The following PLAAT1 variants were observed in gnomAD, a reference collection of about 807,000 sequenced individuals.
PLAAT1 encodes H-REV107 protein-related protein.
PLAAT1 carries 13 observed loss-of-function variants against 16.4 expected under a neutral mutation model. That is an observed-to-expected ratio of 0.79 (90% confidence interval 0.52 to 1.26). The LOEUF (loss-of-function observed/expected upper bound fraction) is 1.26, where lower values mean the gene tolerates loss of function less well. PLAAT1 is among the 50% of genes most tolerant of loss of function. The pLI, the probability that PLAAT1 is intolerant of heterozygous loss-of-function variation, is 0.00. For synonymous variants in PLAAT1, 73 were observed against 78.4 expected, an observed-to-expected ratio of 0.93 and a Z score of 0.36; for missense variants, 218 against 207.8, an observed-to-expected ratio of 1.05 and a Z score of -0.30.
Position 193,270,600 on chromosome 3 carries a change from A to G in PLAAT1, c.406-4A>G. 2.5e-6 allele frequency: 4 copies of G among 1,611,600 alleles called. No individual in the cohort carries two copies. The highest frequency in any genetic ancestry group is 3.4e-6 in the Non-Finnish European group (4 of 1,178,634). ...TTTTTTGTTTACTTCTTGTTTCCTTATAGGCCAACCGAGCGATAAGTACCG... is the reference window on the plus strand; with the variant it reads ...TTTTTTGTTTACTTCTTGTTTCCTTGTAGGCCAACCGAGCGATAAGTACCG... On this transcript the variant is annotated splice_region_variant and splice_polypyrimidine_tract_variant and intron_variant, in intron 3 of 3. Transcript: ENST00000264735.
chr3:193,276,818 T>G, intron 2 of PLAAT1: 2 of 1,613,448 alleles, frequency 1.2e-6, no homozygotes, highest in Non-Finnish European at 8.5e-7. Context: ...CACGATGTTA[T>G]GGTTGGGATC....
Position 193,245,786 on chromosome 3 carries a change from G to A in PLAAT1, c.-1+4253G>A, listed in dbSNP as rs116406447. On this transcript the variant is annotated intron_variant, in intron 1 of 3. Transcript: ENST00000264735. ...AATTTGCATTTCCCTGATGATTAGA[G>A]ATGTTGAGTATTTTTTCCATCTACC... is the stretch of plus-strand genomic sequence containing the variant. Among the ~76,000 whole-genome samples, 156 of 152,284 alleles carry A rather than the reference G, an allele frequency of 1.0e-3. 1 individual carries two copies. Among genetic ancestry groups the A allele is most frequent in the African/African-American group, 3.6e-3 (149 of 41,560 alleles).
At chr3:193,272,227 A>T (rs1473799747), downstream of PLAAT1, among the ~76,000 whole-genome samples, 1 of 152,168 alleles carries the variant, frequency 6.6e-6, no homozygotes, top group Non-Finnish European at 1.5e-5. Flanking sequence ...GTGGATCATG[A>T]GGTCAGGAGA....
intron 3 of PLAAT1, among the ~76,000 whole-genome samples, chr3:193,268,476 A>G (rs543556128): frequency 7.2e-5 from 11 of 152,348 alleles, no homozygotes; most frequent in African/African-American, 2.4e-4. Context: ...CTAAAGGATA[A>G]AGAATGCAGA....
intron 3 of PLAAT1, among the ~76,000 whole-genome samples, chr3:193,266,435 A>G (rs537891825): frequency 6.6e-6 from 1 of 152,314 alleles, no homozygotes; most frequent in East Asian, 1.9e-4. Flanking sequence ...CACCTTTCAC[A>G]TCTAGACCCA....
downstream of PLAAT1, chr3:193,274,899 G>T: frequency 8.1e-7 from 1 of 1,229,640 alleles, no homozygotes; most frequent in Non-Finnish European, 1.1e-6. Context: ...GTCCCTTGCT[G>T]CAAGGTTTAA....
Position 193,241,222 on chromosome 3 carries a change from G to T in PLAAT1, c.-312G>T, listed in dbSNP as rs1439653941. On this transcript the variant is annotated 5_prime_UTR_variant, in exon 1 of 4. Coordinates refer to ENST00000264735, the MANE Select transcript of PLAAT1 (RefSeq NM_020386.5). ...TGGGCGGAGCGGGCGGCTCCCCATG[G>T]TCAGAGCCTCGTGCCGGCTCGGCAG... 15 of 1,224,394 alleles carry T rather than the reference G, an allele frequency of 1.2e-5. No homozygotes were observed. The highest frequency in any genetic ancestry group is 3.1e-5 in the African/African-American group (2 of 64,014). The allele number at this position is 1,224,394 out of a possible 1,614,324, so 75.8% of individuals were successfully genotyped here. A position where few individuals can be genotyped will look rare whatever the true frequency, so the allele number is the denominator to read the frequency against.
intron 2 of PLAAT1, among the ~76,000 whole-genome samples, chr3:193,258,708 A>C (rs1322238761): frequency 6.6e-6 from 1 of 152,104 alleles, no homozygotes; most frequent in Non-Finnish European, 1.5e-5. Flanking sequence ...AAAAAGTGAA[A>C]ACCTGAGAAG....
intron 2 of PLAAT1, among the ~76,000 whole-genome samples, chr3:193,262,092 G>C (rs1440124681): frequency 6.6e-6 from 1 of 152,192 alleles, no homozygotes; most frequent in East Asian, 1.9e-4. Flanking sequence ...GTTGTGGGCA[G>C]TTTGACAAGG....
At chr3:193,249,107 G>T (rs949513619) in intron 1 of PLAAT1, among the ~76,000 whole-genome samples, 1 of 151,694 alleles carries the variant, frequency 6.6e-6, no homozygotes, top group South Asian at 2.1e-4. Flanking sequence ...GGTTGGCAGG[G>T]TTTTTTTTCT....
intron 1 of PLAAT1, among the ~76,000 whole-genome samples, chr3:193,252,452 A>T (rs1362975831): frequency 6.6e-6 from 1 of 152,156 alleles, no homozygotes; most frequent in Non-Finnish European, 1.5e-5. Flanking sequence ...TGTTCTAGAT[A>T]CTAGTCCTTT....
At chr3:193,280,202 C>G (rs1717421799), downstream of PLAAT1, among the ~76,000 whole-genome samples, 1 of 152,054 alleles carries the variant, frequency 6.6e-6, no homozygotes, top group Admixed American at 6.6e-5. Context: ...AGGCGCCCAC[C>G]ACCATGCATG....
In PLAAT1 at chr3:193,241,447, A is replaced by C. The variant is rs1278089050; in HGVS notation, c.-87A>C. 2.4e-6 allele frequency: 3 copies of C among 1,231,668 alleles called. No individual in the cohort carries two copies. The highest frequency in any genetic ancestry group is 3.0e-6 in the Non-Finnish European group (3 of 988,056). The allele number at this position is 1,231,668 out of a possible 1,614,324, so 76.3% of individuals were successfully genotyped here. On this transcript the variant is annotated 5_prime_UTR_variant, in exon 1 of 4. Coordinates refer to ENST00000264735, the MANE Select transcript of PLAAT1 (RefSeq NM_020386.5). The stretch of plus-strand genomic sequence containing the variant: ...AGTCGTCCCGCGGCCGCCGGCGGCA[A>C]GGTCGGCAGCTGCGAGGCCAAGAGA...
upstream of PLAAT1, chr3:193,241,135 G>A (rs1275478516): frequency 9.4e-7 from 1 of 1,063,172 alleles, no homozygotes; most frequent in East Asian, 3.5e-5. Context: ...CGGGCGGGCG[G>A]GCGGGCGAAG....
At chr3:193,275,274 C>G (rs779862591), downstream of PLAAT1, 1 of 1,613,784 alleles carries the variant, frequency 6.2e-7, no homozygotes, top group Non-Finnish European at 8.5e-7. Context: ...GATCAACAGC[C>G]AGAGTTCATG....
intron 3 of PLAAT1, among the ~76,000 whole-genome samples, chr3:193,264,590 G>A (rs1284523832): frequency 1.3e-5 from 2 of 151,382 alleles, no homozygotes; most frequent in South Asian, 2.1e-4. Flanking sequence ...TGCAACCTCC[G>A]CCTCCTGGGT....
intron 2 of PLAAT1, among the ~76,000 whole-genome samples, chr3:193,258,625 A>G (rs889385398): frequency 6.6e-6 from 1 of 152,170 alleles, no homozygotes; most frequent in East Asian, 1.9e-4. Flanking sequence ...GAACACTTCT[A>G]TAATACAATT....
At chr3:193,275,627 A>G (rs1367998448), downstream of PLAAT1, among the ~76,000 whole-genome samples, 1 of 152,254 alleles carries the variant, frequency 6.6e-6, no homozygotes, top group Non-Finnish European at 1.5e-5. Context: ...GAAGAAAAGA[A>G]AAATCACCAT....
intron 3 of PLAAT1, among the ~76,000 whole-genome samples, chr3:193,265,582 A>T (rs919338371): frequency 6.6e-6 from 1 of 151,914 alleles, no homozygotes; most frequent in African/African-American, 2.4e-5. Context: ...CTATGAATAT[A>T]CTAAAAAACA....
Sources: allele counts gnomAD v4.1 joint callset (sites outside exome capture counted in the v4.1 genomes callset), GRCh38; gene constraint gnomAD v4.1.1; transcripts MANE v1.5; gene names NCBI Gene and HGNC (gene_info 2026-07-23, HGNC 2026-07-21).